SCN11A: variants seen among roughly 807,000 people sequenced by gnomAD.
The protein encoded by SCN11A is sodium channel protein type 11 subunit alpha.
SCN11A carries 122 observed loss-of-function variants against 162.2 expected under a neutral mutation model. That is an observed-to-expected ratio of 0.75 (90% CI 0.65 to 0.87). The LOEUF is 0.87. Ranked by LOEUF, SCN11A falls within the 40% of genes least tolerant of loss-of-function variation. The probability of loss-of-function intolerance (pLI) is 0.00; values close to 1 mark genes in which losing one functional copy is unlikely to be tolerated. For synonymous variants in SCN11A, 758 were observed against 751.5 expected, an observed-to-expected ratio of 1.01 and a Z score of -0.14; for missense variants, 2,015 against 2,181.6, an observed-to-expected ratio of 0.92 and a Z score of 1.52.
intron 2 of SCN11A, among the ~76,000 whole-genome samples, chr3:38,978,096 A>G (rs1003181041): frequency 6.6e-6 from 1 of 152,196 alleles, no homozygotes; most frequent in Admixed American, 6.5e-5. Flanking sequence ...CCCATTTTAC[A>G]GACAAGAAAA....
chr3:39,004,565 A>G (rs2030914580), intron 2 of SCN11A, among the ~76,000 whole-genome samples: 1 of 152,080 alleles, frequency 6.6e-6, no homozygotes, highest in African/African-American at 2.4e-5. Context: ...GAAGAATGTA[A>G]TTGGTAGTTT....
In SCN11A at chr3:39,028,433, G is replaced by A. The variant is rs557005788; in HGVS notation, c.-280+3947C>T. ...TATTTCATTTGTCAATTGGCACATA[G>A]GATCCGTCTTAAACCTATTTGAGAT... is the stretch of plus-strand genomic sequence containing the variant. On this transcript the variant is annotated intron_variant, in intron 2 of 29. Coordinates refer to ENST00000302328, the MANE Select transcript of SCN11A (RefSeq NM_001349253.2). 5.3e-5 allele frequency among the ~76,000 whole-genome samples: 8 copies of A among 152,280 alleles called. No homozygotes were observed. The East Asian group carries it at 1.5e-3, about 29-fold the overall frequency.
chr3:38,917,986 T>C (rs1473216509), intron 11 of SCN11A, among the ~76,000 whole-genome samples: 3 of 152,214 alleles, frequency 2.0e-5, no homozygotes, highest in Non-Finnish European at 4.4e-5. Flanking sequence ...CCACTCTCTA[T>C]TGTCATATAC....
rs77655744 is a variant in SCN11A, at chr3:38,995,133, C to CT, written c.-279-34711dup. Among the ~76,000 whole-genome samples, 187 of 143,924 alleles carry CT rather than the reference C, an allele frequency of 1.3e-3. 1 individual carries two copies. The highest frequency in any genetic ancestry group is 2.0e-3 in the East Asian group (10 of 4,934). The allele number at this position is 143,924 out of a possible 152,430, so 94.4% of individuals were successfully genotyped here. ...TATAAGGGAAGCTTTAATTTAAGAACTTTTTTTTTTTTTTTGAGTTGGAGT... is the reference window on the plus strand; with the variant it reads ...TATAAGGGAAGCTTTAATTTAAGAACTTTTTTTTTTTTTTTTGAGTTGGAGT... On this transcript the variant is annotated intron_variant, in intron 2 of 29. Transcript: ENST00000302328.
At chr3:39,051,572 C>G (rs2032379766) in intron 1 of SCN11A, among the ~76,000 whole-genome samples, 1 of 152,176 alleles carries the variant, frequency 6.6e-6, no homozygotes, top group Non-Finnish European at 1.5e-5. Flanking sequence ...TTTGAGGCCA[C>G]GACATAATTC....
intron 2 of SCN11A, among the ~76,000 whole-genome samples, chr3:38,998,368 C>T (rs536851076): frequency 3.3e-5 from 5 of 152,256 alleles, no homozygotes; most frequent in Admixed American, 6.5e-5. Context: ...AGTCTGGAAT[C>T]GGGTTTGCAA....
At chr3:38,925,238 G>A (rs2066119370) in intron 9 of SCN11A, among the ~76,000 whole-genome samples, 177 bp downstream of exon 9, 1 of 151,126 alleles carries the variant, frequency 6.6e-6, no homozygotes, top group African/African-American at 2.4e-5. Context: ...ATCTCAAGCA[G>A]TTAGCACAGT....
At position 38,880,236 on chromosome 3, in the gene SCN11A, G is replaced by A. The variant is rs146975585; in HGVS notation, c.3220-113C>T. The A allele has an allele frequency of 2.8e-4, 193 of 688,308 alleles. 2 individuals are homozygous for A. The East Asian group carries it at 4.9e-3, about 18-fold the overall frequency. The allele number at this position is 688,308 out of a possible 1,614,324, so 42.6% of individuals were successfully genotyped here. On this transcript the variant is annotated intron_variant, in intron 22 of 29. Coordinates refer to ENST00000302328, the MANE Select transcript of SCN11A (RefSeq NM_001349253.2). ...TGAATAAAAACTGGTATCTCTCTTC[G>A]TAATGAGGTTCTGCTCAAAAGATAT...
chr3:38,864,657 G>A (rs905153601), intron 27 of SCN11A, among the ~76,000 whole-genome samples: 4 of 152,106 alleles, frequency 2.6e-5, no homozygotes, highest in African/African-American at 9.7e-5. Flanking sequence ...TAGAAACAAT[G>A]ACAATGAGCA....
chr3:38,921,242 G>A lies in SCN11A; in HGVS notation c.726C>T (p.Ile242=), dbSNP rs771737794. 5 of 1,613,868 alleles carry A rather than the reference G, an allele frequency of 3.1e-6. No homozygotes were observed. Among genetic ancestry groups the A allele is most frequent in the Admixed American group, 3.3e-5 (2 of 59,994 alleles). Reference sequence around the variant, plus strand: ...TCACAGAGCGTAGCAAGGCCCCCACGATGACCTTCAGACCTGAGAAAGAGG... The same window carrying A: ...TCACAGAGCGTAGCAAGGCCCCCACAATGACCTTCAGACCTGAGAAAGAGG... ...AISVVSRLKV[I]VGALLRSVKK... The change falls in exon 10 of 30, where the codon ATC becomes ATT. Residue 242 remains isoleucine (I), a synonymous_variant. Coordinates refer to ENST00000302328, the MANE Select transcript of SCN11A (RefSeq NM_001349253.2).
intron 2 of SCN11A, among the ~76,000 whole-genome samples, chr3:38,969,183 T>C (rs2066802216): frequency 6.6e-6 from 1 of 152,072 alleles, no homozygotes; most frequent in South Asian, 2.1e-4. Context: ...CTAGGATAGG[T>C]GGCCAAGTCT....
At chr3:38,887,796 C>T (rs1419729032) in intron 19 of SCN11A, among the ~76,000 whole-genome samples, 14 of 152,172 alleles carry the variant, frequency 9.2e-5, no homozygotes, top group Non-Finnish European at 2.1e-4. Context: ...GTTACAGTCA[C>T]ATCTTGGGTG....
chr3:38,961,556 C>T (rs187529999), intron 2 of SCN11A, among the ~76,000 whole-genome samples: 6 of 152,250 alleles, frequency 3.9e-5, no homozygotes, highest in Non-Finnish European at 8.8e-5. Context: ...CAGTGACTCC[C>T]AGAATAAGAG....
At chr3:39,016,465 A>G (rs2125604948) in intron 2 of SCN11A, among the ~76,000 whole-genome samples, 1 of 124,696 alleles carries the variant, frequency 8.0e-6, no homozygotes, top group African/African-American at 3.0e-5. Flanking sequence ...TCCACCTGGC[A>G]TCATTTTCCT....
chr3:38,932,251 C>T (rs1013098038), intron 7 of SCN11A, among the ~76,000 whole-genome samples: 2 of 152,120 alleles, frequency 1.3e-5, no homozygotes, highest in East Asian at 3.8e-4. Flanking sequence ...CCAAGATGGC[C>T]GAATAGGAAC....
intron 28 of SCN11A, among the ~76,000 whole-genome samples, chr3:38,854,032 C>G (rs1355755669): frequency 6.6e-6 from 1 of 152,040 alleles, no homozygotes; most frequent in Non-Finnish European, 1.5e-5. Flanking sequence ...AATCCAGTGA[C>G]CTATCTGTTA....
intron 3 of SCN11A, among the ~76,000 whole-genome samples, chr3:38,955,419 C>G (rs925564902): frequency 2.0e-5 from 3 of 152,162 alleles, no homozygotes; most frequent in Non-Finnish European, 4.4e-5. Context: ...TCCTTATTAA[C>G]TGAAAAAACA....
intron 2 of SCN11A, among the ~76,000 whole-genome samples, chr3:39,027,920 T>C (rs1484434560): frequency 6.6e-6 from 1 of 152,204 alleles, no homozygotes; most frequent in Admixed American, 6.5e-5. Flanking sequence ...CCCTGGGTCA[T>C]GGTGATGCAC....
intron 2 of SCN11A, among the ~76,000 whole-genome samples, chr3:38,966,049 T>C (rs150965212): frequency 2.6e-4 from 39 of 152,308 alleles, no homozygotes; most frequent in Admixed American, 5.9e-4. Flanking sequence ...TATATATCAC[T>C]GGTAGAGGCA....
Sources: allele counts gnomAD v4.1 joint callset (sites outside exome capture counted in the v4.1 genomes callset), GRCh38; gene constraint gnomAD v4.1.1; transcripts MANE v1.5; gene names NCBI Gene and HGNC (gene_info 2026-07-23, HGNC 2026-07-21).